Variants in NAP1L1 observed in about 807,000 individuals in gnomAD.
NAP1L1 encodes nucleosome assembly protein 1 like 1, also known as nucleosome assembly protein 1-like 1.
Under a neutral mutation model 58.9 loss-of-function variants are expected in NAP1L1, and 9 were observed. That is an observed-to-expected ratio of 0.15 (90% CI 0.09 to 0.27). The LOEUF is 0.27. NAP1L1 is among the 10% of genes least tolerant of loss of function. The pLI, the probability that NAP1L1 is intolerant of heterozygous loss-of-function variation, is 1.00. For synonymous variants in NAP1L1, 130 were observed against 138.3 expected (o/e 0.94, Z 0.42); for missense variants, 302 against 458.8 (o/e 0.66, Z 3.12).
chr12:76,060,017 G>T (rs1949332967), intron 5 of NAP1L1, 121 bp downstream of exon 5: 1 of 1,216,554 alleles, frequency 8.2e-7, no homozygotes, highest in African/African-American at 1.5e-5. Flanking sequence ...GTTCCTCCAA[G>T]TGCTGCCTCT....
intron 14 of NAP1L1, 41 bp downstream of exon 14, chr12:76,049,159 C>G: frequency 6.4e-7 from 1 of 1,556,062 alleles, no homozygotes; most frequent in Non-Finnish European, 8.9e-7. Context: ...CTTACTTTAG[C>G]TATCTTAAAT....
intron 6 of NAP1L1, among the ~76,000 whole-genome samples, chr12:76,058,386 A>G (rs1052060771): frequency 6.0e-5 from 8 of 133,980 alleles, no homozygotes; most frequent in Non-Finnish European, 1.3e-4. Flanking sequence ...GTTATTTGGT[A>G]CTTTTTTTTT....
At chr12:76,067,973 T>C (rs777991763) in intron 3 of NAP1L1, among the ~76,000 whole-genome samples, 2 of 152,188 alleles carry the variant, frequency 1.3e-5, no homozygotes, top group African/African-American at 4.8e-5. Flanking sequence ...AAGTTAATAG[T>C]TGGGACAGTC....
intron 2 of NAP1L1, among the ~76,000 whole-genome samples, chr12:76,073,043 TAG>T (rs1950029159): frequency 6.6e-6 from 1 of 151,734 alleles, no homozygotes. Flanking sequence ...CAATCCAAAT[TAG>T]AGGTGTGACA....
At position 76,043,961 on chromosome 12, in the gene NAP1L1, G is replaced by C. The variant is rs572416624; in HGVS notation, c.*4468C>G. 1 of 152,258 alleles carries C rather than the reference G, an allele frequency of 6.6e-6. No homozygotes were observed. Among genetic ancestry groups the C allele is most frequent in the East Asian group, 1.9e-4 (1 of 5,190 alleles). The allele number at this position is 152,258 out of a possible 1,614,324, so 9.4% of individuals were successfully genotyped here. The stretch of plus-strand genomic sequence containing the variant: ...ACTCACGTTTAATCACACATTCCTA[G>C]TTCCTTCTTTTTGGCTTTAAGTTTA... On this transcript the variant is annotated 3_prime_UTR_variant, in exon 15 of 15. Coordinates refer to ENST00000618691, the MANE Select transcript of NAP1L1 (RefSeq NM_004537.7).
At position 76,041,165 on chromosome 12, in the gene NAP1L1, G is replaced by C. The variant is rs183601928; in HGVS notation, c.*7264C>G. On this transcript the variant is annotated 3_prime_UTR_variant, in exon 15 of 15. Coordinates refer to ENST00000618691, the MANE Select transcript of NAP1L1 (RefSeq NM_004537.7). The stretch of plus-strand genomic sequence containing the variant: ...CTGAACTACTGAGAATCAATCATTC[G>C]ACTTGCTACACAGTCCCACACAGGA... 2 of 152,120 alleles carry C rather than the reference G, an allele frequency of 1.3e-5. No homozygotes were observed. Among genetic ancestry groups the C allele is most frequent in the African/African-American group, 4.8e-5 (2 of 41,416 alleles). 9.4% of individuals were successfully genotyped at this position (152,120 alleles called of 1,614,324 possible).
rs909986307 is a variant in NAP1L1 at position 76,052,771 on chromosome 12, T to C, written c.936+320A>G. On this transcript the variant is annotated intron_variant, in intron 11 of 14. Transcript: ENST00000618691. ...GAATGAATTTGAACCATAATGTAGTTAGGAATGTAACAGTATAAGTGACTT... is the reference window on the plus strand; with the variant it reads ...GAATGAATTTGAACCATAATGTAGTCAGGAATGTAACAGTATAAGTGACTT... Among the ~76,000 whole-genome samples, 11 of 152,210 alleles carry C rather than the reference T, an allele frequency of 7.2e-5. 1 individual carries two copies. The highest frequency in any genetic ancestry group is 6.5e-4 in the Admixed American group (10 of 15,284).
intron 4 of NAP1L1, among the ~76,000 whole-genome samples, chr12:76,061,377 G>C (rs563833880): frequency 6.6e-6 from 1 of 152,132 alleles, no homozygotes; most frequent in South Asian, 2.1e-4. Context: ...AAGAATGTAC[G>C]ATATTTGGTT....
intron 1 of NAP1L1, among the ~76,000 whole-genome samples, chr12:76,081,099 TCA>T (rs999595685): frequency 4.6e-5 from 7 of 151,972 alleles, no homozygotes; most frequent in Middle Eastern, 3.2e-3. Context: ...AATAAATTAC[TCA>T]GTTTCAGGTA....
chr12:76,080,427 A>G (rs1950356615), intron 1 of NAP1L1, among the ~76,000 whole-genome samples: 1 of 152,238 alleles, frequency 6.6e-6, no homozygotes, highest in Non-Finnish European at 1.5e-5. Flanking sequence ...TGCCTACAGT[A>G]TTCAACATAG....
At chr12:76,067,580 G>T in intron 3 of NAP1L1, 107 bp from the exon 4 acceptor site, 1 of 811,636 alleles carries the variant, frequency 1.2e-6, no homozygotes, top group Non-Finnish European at 2.0e-6. Context: ...CCCATAAATT[G>T]CTGGTATATC....
chr12:76,048,052 AT>A lies in NAP1L1; in HGVS notation c.*376del, dbSNP rs1246607873. 5.0e-6 allele frequency: 1 copy of A among 201,686 alleles called. No homozygotes were observed. The highest frequency in any genetic ancestry group is 1.0e-5 in the Non-Finnish European group (1 of 100,436). The allele number at this position is 201,686 out of a possible 1,614,324, so 12.5% of individuals were successfully genotyped here. On this transcript the variant is annotated 3_prime_UTR_variant, in exon 15 of 15. Coordinates refer to ENST00000618691, the MANE Select transcript of NAP1L1 (RefSeq NM_004537.7). The stretch of plus-strand genomic sequence containing the variant: ...AGCTAATCCAAGCGGACTTAACCCT[AT>A]TCAACAACCAGCTGAAAAAATACTT...
At chr12:76,058,129 T>G in intron 6 of NAP1L1, 1 of 705,700 alleles carries the variant, frequency 1.4e-6, no homozygotes, top group Non-Finnish European at 2.7e-6. Flanking sequence ...GAAGTGAATT[T>G]GAAAATTTGT....
chr12:76,072,223 G>C (rs1357802038), intron 2 of NAP1L1, among the ~76,000 whole-genome samples: 2 of 142,212 alleles, frequency 1.4e-5, no homozygotes, highest in South Asian at 4.5e-4. Flanking sequence ...AAATGTAAGA[G>C]CAAATGGACT....
At chr12:76,053,647 A>G in intron 9 of NAP1L1, 123 bp downstream of exon 9, 1 of 1,210,888 alleles carries the variant, frequency 8.3e-7, no homozygotes, top group Non-Finnish European at 1.1e-6. Flanking sequence ...TTTTCAGAAA[A>G]CATATTACCA....
chr12:76,060,918 C>A (rs1949377026), intron 4 of NAP1L1: 1 of 290,572 alleles, frequency 3.4e-6, no homozygotes. Flanking sequence ...CATGACAAAA[C>A]CCTGTCCTTA....
chr12:76,069,083 G>GT lies in NAP1L1; in HGVS notation c.18-90dup, dbSNP rs1236235331. 3 of 908,736 alleles carry GT rather than the reference G, an allele frequency of 3.3e-6. No individual in the cohort carries two copies. In the African/African-American group the frequency reaches 5.0e-5, roughly 15 times the overall value. 56.3% of individuals were successfully genotyped at this position (908,736 alleles called of 1,614,324 possible). A position where few individuals can be genotyped will look rare whatever the true frequency, so the allele number is the denominator to read the frequency against. Reference sequence around the variant, plus strand: ...AACTTAAAATTCATTTTCAAAATTAGTATCTCTTTCAAAGACATGAAATAG... The same window carrying GT: ...AACTTAAAATTCATTTTCAAAATTAGTTATCTCTTTCAAAGACATGAAATAG... On this transcript the variant is annotated intron_variant, in intron 2 of 14. Coordinates refer to ENST00000618691, the MANE Select transcript of NAP1L1 (RefSeq NM_004537.7).
intron 6 of NAP1L1, chr12:76,056,612 T>C (rs556794516): frequency 6.4e-5 from 29 of 455,984 alleles, no homozygotes; most frequent in Middle Eastern, 3.3e-4. Context: ...CCATTATTCA[T>C]TGTGGGCAAG....
At chr12:76,054,942 T>C in intron 8 of NAP1L1, 77 bp downstream of exon 8, 2 of 1,052,260 alleles carry the variant, frequency 1.9e-6, no homozygotes, top group African/African-American at 1.6e-5. Context: ...TACCCTTGAA[T>C]GTTATCTTTT....
Sources: allele counts gnomAD v4.1 joint callset (sites outside exome capture counted in the v4.1 genomes callset), GRCh38; gene constraint gnomAD v4.1.1; transcripts MANE v1.5; gene names NCBI Gene and HGNC (gene_info 2026-07-23, HGNC 2026-07-21).